RBFOX1: variants seen among roughly 807,000 people sequenced by gnomAD.
RBFOX1 encodes RNA binding fox-1 homolog 1.
In RBFOX1, 8 loss-of-function variants were observed where a neutral mutation model predicts 57.7. The ratio of observed to expected loss-of-function variants is 0.14; its 90% confidence interval spans 0.08 to 0.25. The LOEUF (loss-of-function observed/expected upper bound fraction) is 0.25. RBFOX1 is among the 10% of genes least tolerant of loss of function. RBFOX1 has a pLI of 1.00. For missense variants in RBFOX1, 611 were observed against 548.5 expected (o/e 1.11, Z -1.14); for synonymous variants, 326 against 222.4 (o/e 1.47, Z -4.15).
At chr16:5,694,508 G>C (rs902241876) in intron 3 of RBFOX1, among the ~76,000 whole-genome samples, 2 of 152,152 alleles carry the variant, frequency 1.3e-5, no homozygotes, top group Admixed American at 6.5e-5. Flanking sequence ...TGGAGGACCA[G>C]CTGGTCTTCA....
chr16:6,283,659 G>C (rs2076617851), intron 1 of RBFOX1, among the ~76,000 whole-genome samples: 1 of 152,172 alleles, frequency 6.6e-6, no homozygotes, highest in South Asian at 2.1e-4. Context: ...GTCCCTACGT[G>C]CCGTTAGTAT....
chr16:6,077,385 C>G (rs1597068142), intron 1 of RBFOX1, among the ~76,000 whole-genome samples: 1 of 152,242 alleles, frequency 6.6e-6, no homozygotes, highest in South Asian at 2.1e-4. Context: ...TATTGAAAGG[C>G]ACAGTTTGGG....
intron 3 of RBFOX1, among the ~76,000 whole-genome samples, chr16:6,723,396 A>G (rs1433285129): frequency 6.6e-6 from 1 of 152,202 alleles, no homozygotes; most frequent in Non-Finnish European, 1.5e-5. Context: ...ATAAAGACTT[A>G]AAGATACCAC....
At chr16:7,646,514 G>A (rs1164303870) in intron 11 of RBFOX1, among the ~76,000 whole-genome samples, 2 of 152,202 alleles carry the variant, frequency 1.3e-5, no homozygotes, top group African/African-American at 4.8e-5. Context: ...GGGGAAATGT[G>A]TCATTATGGA....
At position 6,258,068 on chromosome 16, in the gene RBFOX1, C is replaced by T. The variant is rs991163549; in HGVS notation, c.-126-58927C>T. Reference sequence around the variant, plus strand: ...AGTGTGTAAGCATTCCCTTTGTGTCCGCATGATGTTGAGTTTCTTAATAAA... The same window carrying T: ...AGTGTGTAAGCATTCCCTTTGTGTCTGCATGATGTTGAGTTTCTTAATAAA... On this transcript the variant is annotated intron_variant, in intron 1 of 15. Transcript: ENST00000550418. 5.9e-5 allele frequency among the ~76,000 whole-genome samples: 9 copies of T among 152,226 alleles called. 1 individual carries two copies. In the East Asian group the frequency reaches 7.7e-4, roughly 13 times the overall value.
chr16:7,147,176 T>G (rs1283219480), intron 4 of RBFOX1, among the ~76,000 whole-genome samples: 2 of 148,422 alleles, frequency 1.3e-5, no homozygotes, highest in African/African-American at 5.0e-5. Context: ...TTTATTTTTT[T>G]GTAGTTTTAG....
At chr16:7,195,762 A>G (rs1179798802) in intron 4 of RBFOX1, among the ~76,000 whole-genome samples, 1 of 152,166 alleles carries the variant, frequency 6.6e-6, no homozygotes, top group African/African-American at 2.4e-5. Flanking sequence ...CGTGTTGGCC[A>G]GACTGGTGTT....
intron 4 of RBFOX1, among the ~76,000 whole-genome samples, chr16:7,230,147 C>CT (rs1403659522): frequency 6.6e-5 from 10 of 151,200 alleles, no homozygotes; most frequent in Admixed American, 5.9e-4. Context: ...CCTCCTCATC[C>CT]TTTTTTTCTG....
At chr16:7,433,004 T>C (rs968419169) in intron 4 of RBFOX1, among the ~76,000 whole-genome samples, 1 of 152,186 alleles carries the variant, frequency 6.6e-6, no homozygotes, top group African/African-American at 2.4e-5. Flanking sequence ...GAAGGAGGTT[T>C]ATATCTTGTA....
intron 1 of RBFOX1, among the ~76,000 whole-genome samples, chr16:6,069,490 C>T (rs954962009): frequency 6.6e-5 from 10 of 151,914 alleles, no homozygotes; most frequent in East Asian, 5.8e-4. Context: ...CTGCCTTCCC[C>T]ATGTCATGCC....
At chr16:6,362,644 C>A (rs9926085) in intron 2 of RBFOX1, among the ~76,000 whole-genome samples, 11,440 of 152,246 alleles carry the variant, frequency 0.075, 1,470 homozygotes, top group African/African-American at 0.26. Flanking sequence ...TAGACTGATA[C>A]TAGAATCCTG....
intron 5 of RBFOX1, among the ~76,000 whole-genome samples, chr16:7,566,491 G>A (rs543889974): frequency 4.6e-5 from 7 of 152,272 alleles, no homozygotes; most frequent in African/African-American, 7.2e-5. Flanking sequence ...TACGGAATTA[G>A]ATATCCTAAG....
intron 1 of RBFOX1, chr16:6,037,211 A>T (rs1215306418): frequency 3.9e-5 from 6 of 152,240 alleles, no homozygotes; most frequent in Non-Finnish European, 7.3e-5. Flanking sequence ...GCATTAACCA[A>T]ACCCCATAAA....
At chr16:7,162,126 G>C (rs973789062) in intron 4 of RBFOX1, among the ~76,000 whole-genome samples, 1 of 152,174 alleles carries the variant, frequency 6.6e-6, no homozygotes, top group African/African-American at 2.4e-5. Context: ...TAAGCTCCAA[G>C]AGACGTGCCA....
At position 5,947,207 on chromosome 16, in the gene RBFOX1, C is replaced by A. The variant is rs544220674; in HGVS notation, c.351+79872C>A. On this transcript the variant is annotated intron_variant, in intron 4 of 19. Coordinates refer to the RBFOX1 transcript ENST00000641259. The surrounding 1 kb of genome is among the most constrained non-coding windows in gnomAD (Gnocchi z 7.2). ...CTCCAGCCTGGGTGGCAGAGTGAGA[C>A]TCTGTCTCTAAAACAAAACAAACCA... Among the ~76,000 whole-genome samples the A allele has an allele frequency of 6.6e-6, 1 of 152,220 alleles. No individual in the cohort carries two copies. Among genetic ancestry groups the A allele is most frequent in the African/African-American group, 2.4e-5 (1 of 41,532 alleles).
intron 3 of RBFOX1, among the ~76,000 whole-genome samples, chr16:6,742,201 A>G (rs2072382576): frequency 6.6e-6 from 1 of 152,184 alleles, no homozygotes; most frequent in African/African-American, 2.4e-5. Context: ...TTTACCAAAG[A>G]GGATATATGG....
chr16:5,984,970 A>ATTTTTTTTTTT (rs2060254625), intron 4 of RBFOX1, among the ~76,000 whole-genome samples: 1 of 53,186 alleles, frequency 1.9e-5, no homozygotes, highest in African/African-American at 8.8e-5. Flanking sequence ...ATATATATAT[A>ATTTTTTTTTTT]TATATATTTT....
chr16:5,594,629 T>C (rs1367391372), intron 2 of RBFOX1, among the ~76,000 whole-genome samples: 1 of 152,090 alleles, frequency 6.6e-6, no homozygotes, highest in Admixed American at 6.5e-5. Context: ...ACAAATGGTT[T>C]CATTCTTTTG....
chr16:6,699,365 A>G (rs2061501426), intron 3 of RBFOX1, among the ~76,000 whole-genome samples: 1 of 151,484 alleles, frequency 6.6e-6, no homozygotes, highest in African/African-American at 2.4e-5. Context: ...TGTAACAGTC[A>G]TAATAAGCAG....
Sources: allele counts gnomAD v4.1 joint callset (sites outside exome capture counted in the v4.1 genomes callset), GRCh38; gene constraint gnomAD v4.1.1; non-coding constraint Gnocchi (gnomAD v3.1); transcripts MANE v1.5; gene names NCBI Gene and HGNC (gene_info 2026-07-23, HGNC 2026-07-21).